The following ABCA13 variants were observed in gnomAD, a reference collection of about 807,000 sequenced individuals.
ABCA13 encodes the protein ATP binding cassette subfamily A member 13.
In ABCA13, 476 loss-of-function variants were observed where a neutral mutation model predicts 478.7. The observed-to-expected ratio is 0.99, with a 90% CI of 0.92 to 1.07. ABCA13 has a LOEUF of 1.07. ABCA13 is among the 50% of genes least tolerant of loss of function. The probability of loss-of-function intolerance (pLI) is 0.00; values close to 1 mark genes in which losing one functional copy is unlikely to be tolerated. For missense variants in ABCA13, 6,060 were observed against 5,910.6 expected, an observed-to-expected ratio of 1.03 and a Z score of -0.83; for synonymous variants, 2,252 against 2,158.9, an observed-to-expected ratio of 1.04 and a Z score of -1.20.
At chr7:48,346,057 G>T (rs535438758) in intron 29 of ABCA13, among the ~76,000 whole-genome samples, 1 of 152,252 alleles carries the variant, frequency 6.6e-6, no homozygotes, top group South Asian at 2.1e-4. Context: ...GGAGCAATAG[G>T]CTATGCTATA....
intron 59 of ABCA13, among the ~76,000 whole-genome samples, chr7:48,637,070 C>T (rs1354634071): frequency 6.6e-6 from 1 of 152,058 alleles, no homozygotes; most frequent in Non-Finnish European, 1.5e-5. Flanking sequence ...GTTTAATCCA[C>T]TCTCCCAAGG....
chr7:48,217,260 C>G (rs1001916079), intron 3 of ABCA13, among the ~76,000 whole-genome samples: 2 of 152,286 alleles, frequency 1.3e-5, no homozygotes, highest in South Asian at 2.1e-4. Context: ...GCCATAACAA[C>G]CTTCTTAGGA....
intron 40 of ABCA13, 90 bp downstream of exon 40, chr7:48,410,767 C>G: frequency 6.6e-7 from 1 of 1,509,514 alleles, no homozygotes; most frequent in South Asian, 1.3e-5. Flanking sequence ...GTAATAACGT[C>G]TCAGTGGAGG....
At chr7:48,615,517 GA>G in intron 59 of ABCA13, 140 bp downstream of exon 59, 1 of 652,558 alleles carries the variant, frequency 1.5e-6, no homozygotes, top group Non-Finnish European at 2.5e-6. Context: ...GCTCTGAGGG[GA>G]TAAAATACTG....
At chr7:48,263,817 A>G (rs1794515416) in intron 15 of ABCA13, among the ~76,000 whole-genome samples, 1 of 151,884 alleles carries the variant, frequency 6.6e-6, no homozygotes, top group Admixed American at 6.6e-5. Flanking sequence ...AACATGAGAT[A>G]TTTTCATACA....
intron 3 of ABCA13, among the ~76,000 whole-genome samples, chr7:48,201,918 G>GAA: frequency 1.3e-5 from 2 of 152,096 alleles, no homozygotes; most frequent in Middle Eastern, 3.4e-3. Flanking sequence ...CCTTCTGGTG[G>GAA]GTTCGTGGTC....
intron 33 of ABCA13, among the ~76,000 whole-genome samples, 163 bp downstream of exon 33, chr7:48,372,660 G>A (rs912223367): frequency 6.6e-6 from 1 of 152,022 alleles, no homozygotes. Context: ...AATGCAAACC[G>A]TTGAAACTGC....
Position 48,219,463 on chromosome 7 carries a change from A to G in ABCA13, c.397A>G (p.Lys133Glu). 1.2e-6 allele frequency: 2 copies of G among 1,613,378 alleles called. No homozygotes were observed. Among genetic ancestry groups the G allele is most frequent in the South Asian group, 2.2e-5 (2 of 90,892 alleles). The change falls in exon 4 of 62, where the codon AAA becomes GAA. Residue 133 changes from lysine to glutamate, a missense_variant. This residue lies in a region of ABCA13 where 4,423 missense variants were observed against 4,309.1 expected (regional missense o/e 1.03). Coordinates refer to ENST00000435803, the MANE Select transcript of ABCA13 (RefSeq NM_152701.5). ...EEIHGMMDKA[K>E]NLKRLWVERS... The stretch of plus-strand genomic sequence containing the variant: ...AATTCATGGAATGATGGACAAGGCA[A>G]AAAACTTAAAAAGACTTTGGGTAGA...
chr7:48,528,614 G>A (rs865981019), intron 55 of ABCA13, among the ~76,000 whole-genome samples: 1 of 152,150 alleles, frequency 6.6e-6, no homozygotes, highest in Non-Finnish European at 1.5e-5. Context: ...GAGTGGATTG[G>A]AAGTGCCCAG....
chr7:48,434,302 G>A (rs896746761), intron 42 of ABCA13, among the ~76,000 whole-genome samples: 1 of 151,934 alleles, frequency 6.6e-6, no homozygotes, highest in African/African-American at 2.4e-5. Context: ...TTGGCCATTA[G>A]CATATCTTCT....
At chr7:48,398,162 C>T (rs1006943972) in intron 38 of ABCA13, among the ~76,000 whole-genome samples, 4 of 152,176 alleles carry the variant, frequency 2.6e-5, no homozygotes, top group Non-Finnish European at 4.4e-5. Flanking sequence ...AGCAAATTGG[C>T]TATGTCCAAC....
intron 29 of ABCA13, among the ~76,000 whole-genome samples, chr7:48,348,988 T>C (rs2128976871): frequency 6.6e-6 from 1 of 152,350 alleles, no homozygotes; most frequent in Admixed American, 6.5e-5. Flanking sequence ...CTAGATGGCA[T>C]GTGTTTGAAT....
intron 15 of ABCA13, among the ~76,000 whole-genome samples, chr7:48,255,531 T>C (rs547846874): frequency 6.6e-6 from 1 of 152,262 alleles, no homozygotes; most frequent in African/African-American, 2.4e-5. Context: ...CCATATTTAG[T>C]TCCCACTTAT....
At chr7:48,359,270 C>T (rs1810445711) in intron 31 of ABCA13, among the ~76,000 whole-genome samples, 1 of 151,884 alleles carries the variant, frequency 6.6e-6, no homozygotes, top group South Asian at 2.1e-4. Flanking sequence ...AGTTCCTCCA[C>T]CTACTGATGC....
chr7:48,516,515 A>G (rs1287710719), intron 51 of ABCA13, among the ~76,000 whole-genome samples: 1 of 152,018 alleles, frequency 6.6e-6, no homozygotes, highest in African/African-American at 2.4e-5. Context: ...ATTTTATACT[A>G]CTCATTGTTC....
intron 42 of ABCA13, among the ~76,000 whole-genome samples, chr7:48,436,731 T>G (rs893432433): frequency 1.3e-5 from 2 of 151,818 alleles, no homozygotes; most frequent in Non-Finnish European, 2.9e-5. Flanking sequence ...ACTTCATTCG[T>G]TTCAAGATAT....
intron 35 of ABCA13, among the ~76,000 whole-genome samples, chr7:48,380,835 A>G (rs889223101): frequency 3.3e-5 from 5 of 152,004 alleles, no homozygotes; most frequent in African/African-American, 1.2e-4. Context: ...TGTGCCTTTC[A>G]CAAGCAAAAA....
intron 3 of ABCA13, among the ~76,000 whole-genome samples, chr7:48,215,847 A>C (rs1251022888): frequency 6.6e-6 from 1 of 152,158 alleles, no homozygotes; most frequent in Admixed American, 6.6e-5. Flanking sequence ...CTACATATAG[A>C]ATTTGTATAA....
At chr7:48,514,555 T>C (rs1426170052) in intron 51 of ABCA13, among the ~76,000 whole-genome samples, 9 of 152,336 alleles carry the variant, frequency 5.9e-5, no homozygotes, top group Middle Eastern at 6.8e-3. Context: ...AAAATTTGGC[T>C]CACAAACTTC....
Sources: gnomAD v4.1 joint callset for allele counts (sites outside exome capture counted in the v4.1 genomes callset) on GRCh38, gnomAD v4.1.1 for gene constraint, gnomAD v4.1.1 regional missense constraint, MANE v1.5 for transcripts, NCBI Gene and HGNC (gene_info 2026-07-23, HGNC 2026-07-21) for gene names.